BRINP3: variants seen among roughly 807,000 people sequenced by gnomAD.
BRINP3 encodes BMP/retinoic acid-inducible neural-specific protein 3.
Under a neutral mutation model 71.0 loss-of-function variants are expected in BRINP3, and 19 were observed. That is an observed-to-expected ratio of 0.27 (90% CI 0.19 to 0.39). BRINP3 has a LOEUF of 0.39. BRINP3 is among the 10% of genes least tolerant of loss of function. The probability of loss-of-function intolerance (pLI) is 1.00; values close to 1 mark genes in which losing one functional copy is unlikely to be tolerated. For missense variants in BRINP3, 959 were observed against 940.8 expected (o/e 1.02, Z -0.25); for synonymous variants, 380 against 337.7 (o/e 1.13, Z -1.37).
intron 6 of BRINP3, among the ~76,000 whole-genome samples, chr1:190,179,701 T>G (rs1430384850): frequency 6.6e-6 from 1 of 152,162 alleles, no homozygotes; most frequent in Non-Finnish European, 1.5e-5. Context: ...ATAAAGTGAA[T>G]AGTCTTTCCA....
chr1:190,163,503 G>A (rs981408663), intron 6 of BRINP3, among the ~76,000 whole-genome samples: 3 of 151,960 alleles, frequency 2.0e-5, no homozygotes, highest in Non-Finnish European at 2.9e-5. Context: ...GAGAAACAAA[G>A]TAACCAACTG....
At chr1:190,103,795 T>G (rs1211342485) in intron 7 of BRINP3, among the ~76,000 whole-genome samples, 1 of 151,934 alleles carries the variant, frequency 6.6e-6, no homozygotes, top group African/African-American at 2.4e-5. Context: ...TAGTAGAAAT[T>G]TTACACATAA....
chr1:190,402,436 G>A (rs962977378), intron 2 of BRINP3, among the ~76,000 whole-genome samples: 14 of 151,896 alleles, frequency 9.2e-5, no homozygotes, highest in Middle Eastern at 3.4e-3. Context: ...AGTAACTATC[G>A]GTTTTAGAAA....
chr1:190,276,882 A>T (rs909756903), intron 3 of BRINP3, among the ~76,000 whole-genome samples: 1 of 150,788 alleles, frequency 6.6e-6, no homozygotes, highest in Non-Finnish European at 1.5e-5. Flanking sequence ...CAGAAAAAAA[A>T]TTAAAAGGAC....
At chr1:190,357,170 T>G (rs1668785988) in intron 2 of BRINP3, among the ~76,000 whole-genome samples, 1 of 151,928 alleles carries the variant, frequency 6.6e-6, no homozygotes, top group South Asian at 2.1e-4. Context: ...TAACTATAAG[T>G]TTTTTCAGAT....
intron 1 of BRINP3, among the ~76,000 whole-genome samples, chr1:190,468,650 T>A (rs1340774192): frequency 1.3e-5 from 2 of 151,146 alleles, no homozygotes; most frequent in Admixed American, 6.6e-5. Context: ...AGCTACACAC[T>A]TAATAAGACA....
intron 2 of BRINP3, among the ~76,000 whole-genome samples, chr1:190,394,292 C>T (rs894164459): frequency 2.0e-5 from 3 of 151,256 alleles, no homozygotes; most frequent in African/African-American, 7.3e-5. Flanking sequence ...TTAATGAGTC[C>T]TTAGAACAAA....
At chr1:190,217,640 C>T (rs1235888322) in intron 6 of BRINP3, among the ~76,000 whole-genome samples, 2 of 151,930 alleles carry the variant, frequency 1.3e-5, no homozygotes, top group African/African-American at 4.8e-5. Context: ...AAATATGAAT[C>T]AGCTAAATAC....
intron 2 of BRINP3, among the ~76,000 whole-genome samples, chr1:190,378,052 CGG>C (rs1670293413): frequency 6.6e-6 from 1 of 151,864 alleles, no homozygotes; most frequent in Non-Finnish European, 1.5e-5. Context: ...TCTCAGGGGA[CGG>C]AATACTGAAG....
chr1:190,369,269 G>A (rs1423378842), intron 2 of BRINP3, among the ~76,000 whole-genome samples: 1 of 152,100 alleles, frequency 6.6e-6, no homozygotes, highest in African/African-American at 2.4e-5. Flanking sequence ...CTCTAGAGTT[G>A]TGATAGAATT....
intron 2 of BRINP3, among the ~76,000 whole-genome samples, chr1:190,403,867 T>C (rs1027389089): frequency 1.3e-5 from 2 of 152,180 alleles, no homozygotes; most frequent in Non-Finnish European, 2.9e-5. Flanking sequence ...TGGACAAATG[T>C]TTTCAAGTCA....
chr1:190,450,031 TTTAA>T (rs1675500917), intron 2 of BRINP3, among the ~76,000 whole-genome samples: 1 of 152,254 alleles, frequency 6.6e-6, no homozygotes, highest in East Asian at 1.9e-4. Flanking sequence ...TATTTTTTGG[TTTAA>T]TTGTGTCTCA....
intron 2 of BRINP3, among the ~76,000 whole-genome samples, chr1:190,289,542 T>C (rs1663696427): frequency 6.6e-6 from 1 of 151,946 alleles, no homozygotes; most frequent in African/African-American, 2.4e-5. Flanking sequence ...AATTATAACC[T>C]TTCAGTATGA....
intron 2 of BRINP3, among the ~76,000 whole-genome samples, chr1:190,384,673 T>C (rs1253128517): frequency 6.6e-6 from 1 of 152,006 alleles, no homozygotes; most frequent in Admixed American, 6.6e-5. Context: ...GCTAATACTG[T>C]TATCACATCC....
intron 2 of BRINP3, among the ~76,000 whole-genome samples, chr1:190,389,130 A>G (rs1451196326): frequency 6.6e-6 from 1 of 151,786 alleles, no homozygotes; most frequent in African/African-American, 2.4e-5. Flanking sequence ...AAAAATAAAG[A>G]AAAAATATTA....
At chr1:190,317,419 T>C (rs183138057) in intron 2 of BRINP3, among the ~76,000 whole-genome samples, 12 of 152,092 alleles carry the variant, frequency 7.9e-5, no homozygotes, top group Non-Finnish European at 1.8e-4. Context: ...AGAAAGTTCT[T>C]CAAATTTTTG....
At chr1:190,222,492 C>T (rs557668411) in intron 6 of BRINP3, among the ~76,000 whole-genome samples, 17 of 151,410 alleles carry the variant, frequency 1.1e-4, no homozygotes, top group South Asian at 4.2e-4. Flanking sequence ...CCTCAACGAA[C>T]GAGAAAAGCA....
rs528667216 is a variant in BRINP3 at position 190,313,138 on chromosome 1, C to T, written c.237-31388G>A. 8.0e-4 allele frequency among the ~76,000 whole-genome samples: 122 copies of T among 151,738 alleles called. 1 individual carries two copies. Among genetic ancestry groups the T allele is most frequent in the Non-Finnish European group, 3.1e-4 (21 of 67,836 alleles). On this transcript the variant is annotated intron_variant, in intron 2 of 7. Coordinates refer to ENST00000367462, the MANE Select transcript of BRINP3 (RefSeq NM_199051.3). ...TAAGTAAAATTATAATTGAATGGAC[C>T]TATTTCAGAACACTACAATTAAATA...
intron 2 of BRINP3, among the ~76,000 whole-genome samples, chr1:190,367,536 T>G (rs1340217327): frequency 6.6e-6 from 1 of 152,218 alleles, no homozygotes; most frequent in Non-Finnish European, 1.5e-5. Flanking sequence ...CCGTGTTACT[T>G]ACGCAAATTT....
Sources: allele counts gnomAD v4.1 joint callset (sites outside exome capture counted in the v4.1 genomes callset), GRCh38; gene constraint gnomAD v4.1.1; transcripts MANE v1.5; gene names NCBI Gene and HGNC (gene_info 2026-07-23, HGNC 2026-07-21).